FRMD3: variants seen among roughly 807,000 people sequenced by gnomAD.
FRMD3 encodes the protein FERM domain containing 3.
FRMD3 carries 33 observed loss-of-function variants against 70.2 expected under a neutral mutation model. The observed-to-expected ratio is 0.47, with a 90% CI of 0.36 to 0.63. The LOEUF is 0.63. Among genes scored for constraint, FRMD3 ranks in the 20% least tolerant of loss-of-function variants. The pLI is 0.00. For synonymous variants in FRMD3, 279 were observed against 255.9 expected (o/e 1.09, Z -0.86); for missense variants, 632 against 711.4 (o/e 0.89, Z 1.27).
chr9:83,255,220 T>C (rs533701380), intron 13 of FRMD3, among the ~76,000 whole-genome samples: 1 of 152,304 alleles, frequency 6.6e-6, no homozygotes, highest in Middle Eastern at 3.4e-3. Context: ...GCAAGGTTGG[T>C]TCAACATACA....
chr9:83,562,508 A>G, the FRMD3 span, among the ~76,000 whole-genome samples: 1 of 152,200 alleles, frequency 6.6e-6, no homozygotes, highest in African/African-American at 2.4e-5. Context: ...AGGTCATTCA[A>G]AAGCTATGCC....
rs544851757 is a variant in FRMD3 at position 83,327,906 on chromosome 9, T to C, written c.596+7610A>G. Among the ~76,000 whole-genome samples the C allele has an allele frequency of 3.3e-5, 5 of 152,270 alleles. No individual in the cohort carries two copies. The South Asian group carries it at 1.0e-3, about 32-fold the overall frequency. On this transcript the variant is annotated intron_variant, in intron 6 of 13. Transcript: ENST00000304195. The stretch of plus-strand genomic sequence containing the variant: ...CAGTCTGTCATTTCCAATCTTTCAC[T>C]TAGAGAGGGACATTATCTCTCGCAA...
chr9:83,488,113 A>G (rs1160952957), intron 1 of FRMD3, among the ~76,000 whole-genome samples: 1 of 151,746 alleles, frequency 6.6e-6, no homozygotes, highest in Non-Finnish European at 1.5e-5. Flanking sequence ...CAACATATAT[A>G]CTCCTTTGGC....
At chr9:83,430,655 G>A (rs1826948378) in intron 1 of FRMD3, among the ~76,000 whole-genome samples, 1 of 152,094 alleles carries the variant, frequency 6.6e-6, no homozygotes, top group African/African-American at 2.4e-5. Context: ...CAACGAGCCA[G>A]CAAACATTCA....
In FRMD3 at chr9:83,388,630, A is replaced by T. The variant is rs77405602; in HGVS notation, c.252+974T>A. ...AGGCTGCTATACCAGCTCAAAAGGTAAGACTCCTGCTCACTCTTCCCCACC... is the reference window on the plus strand; with the variant it reads ...AGGCTGCTATACCAGCTCAAAAGGTTAGACTCCTGCTCACTCTTCCCCACC... On this transcript the variant is annotated intron_variant, in intron 2 of 13. Transcript: ENST00000304195. Among the ~76,000 whole-genome samples the T allele has an allele frequency of 4.9e-3, 753 of 152,270 alleles. 13 individuals are homozygous for T. Among genetic ancestry groups the T allele is most frequent in the East Asian group, 0.027 (140 of 5,172 alleles).
the FRMD3 span, among the ~76,000 whole-genome samples, chr9:83,576,086 T>C: frequency 1.3e-5 from 2 of 151,738 alleles, no homozygotes; most frequent in Non-Finnish European, 2.9e-5. Context: ...GACAAAGACA[T>C]CATAAGAAAA....
chr9:83,495,365 G>A (rs4097644), intron 1 of FRMD3, among the ~76,000 whole-genome samples: 75,822 of 151,982 alleles, frequency 0.5, 19,436 homozygotes, highest in Middle Eastern at 0.54. Flanking sequence ...GAAGTCGCTG[G>A]TGCCCTTGGT....
chr9:83,516,415 G>C (rs1829456597), intron 1 of FRMD3, among the ~76,000 whole-genome samples: 1 of 152,106 alleles, frequency 6.6e-6, no homozygotes, highest in African/African-American at 2.4e-5. Flanking sequence ...GCAACAAGAA[G>C]AGTTAACTAT....
chr9:83,505,986 A>G (rs1216098381), intron 1 of FRMD3, among the ~76,000 whole-genome samples: 1 of 152,172 alleles, frequency 6.6e-6, no homozygotes, highest in Non-Finnish European at 1.5e-5. Context: ...TCCCCCAACA[A>G]GAACTTGTGC....
chr9:83,376,550 C>T (rs1021469876), intron 2 of FRMD3, among the ~76,000 whole-genome samples: 30 of 152,008 alleles, frequency 2.0e-4, no homozygotes, highest in East Asian at 3.9e-4. Context: ...CATCAGTCAG[C>T]GCCATGTGAA....
At chr9:83,389,552 C>A in intron 2 of FRMD3, 52 bp downstream of exon 2, 1 of 1,216,646 alleles carries the variant, frequency 8.2e-7, no homozygotes, top group Non-Finnish European at 1.2e-6. Flanking sequence ...CACAGTGCAC[C>A]ACAGTCTGGG....
chr9:83,536,929 C>CAAAAAAAAAAAAA (rs1829904095), intron 1 of FRMD3, among the ~76,000 whole-genome samples: 2 of 46,268 alleles, frequency 4.3e-5, no homozygotes, highest in Admixed American at 2.3e-4. Context: ...CTGTATTACA[C>CAAAAAAAAAAAAA]TAAAAAAAAA....
At chr9:83,509,524 G>A (rs1219592288) in intron 1 of FRMD3, among the ~76,000 whole-genome samples, 1 of 152,188 alleles carries the variant, frequency 6.6e-6, no homozygotes, top group Admixed American at 6.5e-5. Flanking sequence ...CTGTCAATAA[G>A]AAACCACTCC....
the FRMD3 span, among the ~76,000 whole-genome samples, chr9:83,570,067 G>C: frequency 2.0e-5 from 3 of 152,104 alleles, no homozygotes; most frequent in Non-Finnish European, 4.4e-5. Context: ...CCAACAAAGT[G>C]GTTCATGTTG....
At chr9:83,305,819 G>T (rs1835108436) in intron 10 of FRMD3, among the ~76,000 whole-genome samples, 1 of 152,196 alleles carries the variant, frequency 6.6e-6, no homozygotes, top group Non-Finnish European at 1.5e-5. Flanking sequence ...AAGTGCCAAT[G>T]CAAAGACTGG....
chr9:83,548,349 A>T, the FRMD3 span, among the ~76,000 whole-genome samples: 1 of 152,244 alleles, frequency 6.6e-6, no homozygotes, highest in Non-Finnish European at 1.5e-5. Context: ...GTGAATGGAT[A>T]CATGAACTGT....
chr9:83,311,209 A>T (rs552232081), intron 8 of FRMD3, among the ~76,000 whole-genome samples: 1 of 150,860 alleles, frequency 6.6e-6, no homozygotes, highest in South Asian at 2.1e-4. Flanking sequence ...CCATGGGGAG[A>T]TGTGCAGGCC....
intron 1 of FRMD3, among the ~76,000 whole-genome samples, chr9:83,425,701 T>C (rs1036082085): frequency 1.3e-5 from 2 of 150,790 alleles, no homozygotes; most frequent in East Asian, 2.0e-4. Context: ...AGGTCAGGAG[T>C]TCGAGACCAG....
At chr9:83,284,727 A>G (rs1400255159) in intron 13 of FRMD3, among the ~76,000 whole-genome samples, 2 of 152,264 alleles carry the variant, frequency 1.3e-5, no homozygotes, top group East Asian at 3.8e-4. Flanking sequence ...AAAGACACCG[A>G]AGCCATAAGA....
Sources: gnomAD v4.1 joint callset for allele counts (sites outside exome capture counted in the v4.1 genomes callset) on GRCh38, gnomAD v4.1.1 for gene constraint, MANE v1.5 for transcripts, NCBI Gene and HGNC (gene_info 2026-07-23, HGNC 2026-07-21) for gene names.